The following IL4R variants were observed in gnomAD, a reference collection of about 807,000 sequenced individuals.
The protein encoded by IL4R is interleukin-4 receptor subunit alpha.
IL4R carries 17 observed loss-of-function variants against 41.5 expected under a neutral mutation model. The observed-to-expected ratio is 0.41, with a 90% CI of 0.28 to 0.61. The LOEUF (loss-of-function observed/expected upper bound fraction) is 0.61. Among genes scored for constraint, IL4R ranks in the 20% least tolerant of loss-of-function variants. The pLI is 0.31. For missense variants in IL4R, 974 were observed against 1,043.1 expected (o/e 0.93, Z 0.91); for synonymous variants, 402 against 422.9 (o/e 0.95, Z 0.61).
At chr16:27,338,089 T>C (rs1316214265) in intron 2 of IL4R, among the ~76,000 whole-genome samples, 1 of 151,642 alleles carries the variant, frequency 6.6e-6, no homozygotes, top group Admixed American at 6.6e-5. Context: ...CCCGTGTAGC[T>C]GGGACTACAG....
intron 6 of IL4R, among the ~76,000 whole-genome samples, chr16:27,350,254 G>A (rs995460405): frequency 6.6e-6 from 1 of 152,130 alleles, no homozygotes; most frequent in African/African-American, 2.4e-5. Flanking sequence ...CTTCCAGGGT[G>A]TAAGATTTCT....
At chr16:27,314,832 G>A (rs746674162) in intron 1 of IL4R, among the ~76,000 whole-genome samples, 42 of 152,062 alleles carry the variant, frequency 2.8e-4, no homozygotes, top group Non-Finnish European at 5.3e-4. Flanking sequence ...GTAAACCCAG[G>A]AATCTGATCT....
intron 4 of IL4R, among the ~76,000 whole-genome samples, chr16:27,342,493 A>C (rs1408655139): frequency 6.6e-6 from 1 of 152,050 alleles, no homozygotes; most frequent in Non-Finnish European, 1.5e-5. Flanking sequence ...GGAATACTGG[A>C]CTAGACCAGC....
At chr16:27,334,396 G>C (rs1484599925) in intron 2 of IL4R, 2 of 152,144 alleles carry the variant, frequency 1.3e-5, no homozygotes, top group African/African-American at 4.8e-5. Flanking sequence ...GCTGCGGCAC[G>C]TGTGTGTGCA....
intron 2 of IL4R, among the ~76,000 whole-genome samples, chr16:27,338,671 ATGAATGGGGT>A (rs1470976261): frequency 6.6e-6 from 1 of 152,018 alleles, no homozygotes; most frequent in African/African-American, 2.4e-5. Context: ...GTGGTTGGTC[ATGAATGGGGT>A]TAGTGCCCTC....
Position 27,363,375 on chromosome 16 carries a change from C to T in IL4R, c.2023C>T (p.Pro675Ser), listed in dbSNP as rs3024678. 0.018 allele frequency: 29,568 copies of T among 1,614,158 alleles called. 352 individuals carry two copies. The highest frequency in any genetic ancestry group is 0.023 in the Non-Finnish European group (26,927 of 1,180,008). ...GAGCTCACATCTCCCAAGCAGCTCC[C>T]CAGAGCACCTGGGTCTGGAGCCGGG... ...PQSSHLPSSS[P>S]EHLGLEPGEK... The change falls in exon 11 of 11, where the codon CCA becomes TCA. Residue 675 changes from proline (P) to serine (S), a missense_variant. Pro to Ser is a moderately conservative substitution (Grantham distance 74). Transcript: ENST00000395762.
chr16:27,344,760 C>T (rs527732961), intron 4 of IL4R, 109 bp from the exon 5 acceptor site: 12 of 1,147,444 alleles, frequency 1.0e-5, no homozygotes, highest in African/African-American at 6.1e-5. Context: ...CATCCGTGAT[C>T]GGGAAGCTGG....
At chr16:27,340,295 A>G in intron 3 of IL4R, 22 bp downstream of exon 3, 3 of 1,597,384 alleles carry the variant, frequency 1.9e-6, no homozygotes, top group Non-Finnish European at 2.6e-6. Flanking sequence ...CTTCTCAATC[A>G]TTCATTTGTT....
intron 1 of IL4R, among the ~76,000 whole-genome samples, chr16:27,324,102 G>A (rs571780753): frequency 1.3e-5 from 2 of 152,322 alleles, no homozygotes; most frequent in South Asian, 2.1e-4. Flanking sequence ...GAGGGGACAC[G>A]TGGCCAGTCA....
At chr16:27,341,814 C>T (rs2085450574) in intron 3 of IL4R, among the ~76,000 whole-genome samples, 1 of 152,196 alleles carries the variant, frequency 6.6e-6, no homozygotes, top group South Asian at 2.1e-4. Flanking sequence ...ACTCCTTAAA[C>T]TGCTACATAT....
chr16:27,336,803 G>C (rs946295186), intron 2 of IL4R, among the ~76,000 whole-genome samples: 3 of 151,906 alleles, frequency 2.0e-5, no homozygotes, highest in African/African-American at 7.3e-5. Context: ...TGGCAGCCGG[G>C]CTCAGTGGCT....
At chr16:27,357,538 A>G (rs943714187) in intron 8 of IL4R, among the ~76,000 whole-genome samples, 1 of 152,144 alleles carries the variant, frequency 6.6e-6, no homozygotes, top group African/African-American at 2.4e-5. Context: ...ATCTCGACTC[A>G]CTGCAATCTC....
intron 1 of IL4R, among the ~76,000 whole-genome samples, chr16:27,325,738 C>T (rs933423239): frequency 1.3e-5 from 2 of 152,066 alleles, no homozygotes; most frequent in African/African-American, 2.4e-5. Flanking sequence ...TATTGAGTGC[C>T]TGCTGTATGT....
chr16:27,338,224 G>GTTTTC (rs959452092), intron 2 of IL4R, among the ~76,000 whole-genome samples: 4 of 151,146 alleles, frequency 2.6e-5, no homozygotes, highest in Non-Finnish European at 3.0e-5. Context: ...CAAACTTTCT[G>GTTTTC]TTTTCTTTTC....
At chr16:27,323,157 G>A (rs1027373470) in intron 1 of IL4R, among the ~76,000 whole-genome samples, 3 of 152,228 alleles carry the variant, frequency 2.0e-5, no homozygotes, top group Non-Finnish European at 4.4e-5. Context: ...GCTCTTACCT[G>A]TGCCCATGTG....
intron 6 of IL4R, 26 bp downstream of exon 6, chr16:27,346,644 TC>T (rs774928566): frequency 5.0e-6 from 8 of 1,612,508 alleles, no homozygotes; most frequent in Non-Finnish European, 6.8e-6. Flanking sequence ...TTGACGTTTT[TC>T]TGTGACCTCT....
chr16:27,342,066 T>A, intron 3 of IL4R, 55 bp from the exon 4 acceptor site: 1 of 1,593,392 alleles, frequency 6.3e-7, no homozygotes, highest in Non-Finnish European at 8.6e-7. Flanking sequence ...TGGGTGCAAG[T>A]CCCCCTCACG....
intron 6 of IL4R, 72 bp downstream of exon 6, chr16:27,346,690 C>A: frequency 6.5e-7 from 1 of 1,537,284 alleles, no homozygotes; most frequent in South Asian, 1.1e-5. Context: ...GAGGCCCAGT[C>A]CCTGGAGCCA....
intron 7 of IL4R, among the ~76,000 whole-genome samples, chr16:27,353,189 G>T (rs2085939902): frequency 6.6e-6 from 1 of 152,188 alleles, no homozygotes; most frequent in African/African-American, 2.4e-5. Flanking sequence ...CAGGCATGGT[G>T]GCATGCACCT....
Sources: allele counts gnomAD v4.1 joint callset (sites outside exome capture counted in the v4.1 genomes callset), GRCh38; gene constraint gnomAD v4.1.1; transcripts MANE v1.5; gene names NCBI Gene and HGNC (gene_info 2026-07-23, HGNC 2026-07-21).